Variants in HDAC9 observed in about 807,000 individuals in gnomAD.
HDAC9 encodes the protein histone deacetylase 9.
HDAC9 carries 41 observed loss-of-function variants against 139.4 expected under a neutral mutation model. The observed-to-expected ratio is 0.29, with a 90% confidence interval of 0.23 to 0.38. HDAC9 has a LOEUF of 0.38. Ranked by LOEUF, HDAC9 falls within the 10% of genes least tolerant of loss-of-function variation. HDAC9 has a pLI of 1.00. For missense variants in HDAC9, 1,147 were observed against 1,297.0 expected (o/e 0.88, Z 1.78); for synonymous variants, 517 against 476.2 (o/e 1.09, Z -1.12).
At chr7:18,891,113 G>A (rs1800644468) in intron 22 of HDAC9, among the ~76,000 whole-genome samples, 1 of 152,080 alleles carries the variant, frequency 6.6e-6, no homozygotes, top group African/African-American at 2.4e-5. Context: ...GCACTTTTCT[G>A]GATCTACTAT....
intron 6 of HDAC9, among the ~76,000 whole-genome samples, chr7:18,625,087 G>T (rs937351805): frequency 5.3e-5 from 8 of 151,908 alleles, no homozygotes; most frequent in Admixed American, 5.2e-4. Flanking sequence ...TTCTAAAACT[G>T]AGAATTATGC....
intron 20 of HDAC9, 70 bp downstream of exon 20, chr7:18,835,656 C>G (rs1796183484): frequency 2.5e-6 from 4 of 1,575,620 alleles, no homozygotes; most frequent in African/African-American, 1.3e-5. Context: ...ATGATTACCC[C>G]TAATTTTCTT....
chr7:18,845,785 C>T (rs938322617), intron 21 of HDAC9, among the ~76,000 whole-genome samples: 1 of 152,132 alleles, frequency 6.6e-6, no homozygotes, highest in African/African-American at 2.4e-5. Flanking sequence ...TTCAATAAAA[C>T]ATGACCAGAT....
At chr7:18,887,895 AGAG>A (rs1296015299) in intron 22 of HDAC9, among the ~76,000 whole-genome samples, 5 of 152,310 alleles carry the variant, frequency 3.3e-5, no homozygotes, top group Admixed American at 3.3e-4. Context: ...TTGTGGCCAC[AGAG>A]AAGTCATCAG....
chr7:18,939,911 C>T (rs1392951403), intron 23 of HDAC9, among the ~76,000 whole-genome samples: 3 of 152,196 alleles, frequency 2.0e-5, no homozygotes, highest in African/African-American at 7.2e-5. Context: ...TGCAATTGAA[C>T]TCCCATTAGA....
rs543838978 is a variant in HDAC9, at chr7:18,825,822, A to G, written c.2323-3339A>G. ...TATATACACATATAAACAAATACAC[A>G]CATATATACATATATGCACATAAAT... On this transcript the variant is annotated intron_variant, in intron 17 of 25. Transcript: ENST00000686413. Among the ~76,000 whole-genome samples, 3 of 148,260 alleles carry G rather than the reference A, an allele frequency of 2.0e-5. No individual in the cohort carries two copies. The Admixed American group carries it at 2.0e-4, about 10-fold the overall frequency.
chr7:18,214,883 G>T (rs1180577985), intron 2 of HDAC9, among the ~76,000 whole-genome samples: 1 of 151,986 alleles, frequency 6.6e-6, no homozygotes, highest in Non-Finnish European at 1.5e-5. Context: ...ATGGGGGCAT[G>T]GAAAAGATCT....
intron 2 of HDAC9, among the ~76,000 whole-genome samples, chr7:18,268,703 T>C (rs750394879): frequency 9.2e-5 from 14 of 152,172 alleles, no homozygotes; most frequent in Non-Finnish European, 1.6e-4. Flanking sequence ...CATTTTGCCC[T>C]TGTTTATTTT....
At chr7:18,088,893 T>C (rs1270984777) in intron 1 of HDAC9, among the ~76,000 whole-genome samples, 2 of 152,236 alleles carry the variant, frequency 1.3e-5, no homozygotes, top group Non-Finnish European at 2.9e-5. Context: ...AACTTGCTTG[T>C]AATTTATTCT....
At chr7:18,272,968 T>TAC (rs1796461745) in intron 2 of HDAC9, among the ~76,000 whole-genome samples, 1 of 137,020 alleles carries the variant, frequency 7.3e-6, no homozygotes, top group African/African-American at 2.7e-5. Context: ...ACTACTACTA[T>TAC]TTCTTCCTCC....
intron 17 of HDAC9, among the ~76,000 whole-genome samples, chr7:18,824,044 G>GAAGAAGAAGAAGAA (rs1795197769): frequency 1.5e-5 from 1 of 67,118 alleles, no homozygotes; most frequent in Non-Finnish European, 3.4e-5. Flanking sequence ...AAGAGGAAGA[G>GAAGAAGAAGAAGAA]GAAGAAGAAG....
rs547691349 is a variant in HDAC9, at chr7:18,275,126, C to G, written c.25+112777C>G. ...AAAATTGCTCTACACACAGTGTTTCCCATATCAATTAATGACACTTACTTC... is the reference window on the plus strand; with the variant it reads ...AAAATTGCTCTACACACAGTGTTTCGCATATCAATTAATGACACTTACTTC... On this transcript the variant is annotated intron_variant, in intron 2 of 12. Transcript: ENST00000417496. Among the ~76,000 whole-genome samples the G allele has an allele frequency of 7.2e-5, 11 of 152,186 alleles. No individual in the cohort carries two copies. In the East Asian group the frequency reaches 1.7e-3, roughly 24 times the overall value.
At chr7:18,263,654 G>A (rs1795820139) in intron 2 of HDAC9, among the ~76,000 whole-genome samples, 1 of 151,026 alleles carries the variant, frequency 6.6e-6, no homozygotes, top group African/African-American at 2.4e-5. Context: ...TGTCACCTAG[G>A]CTGGAGTGCA....
chr7:18,930,330 A>G (rs1421795528), intron 22 of HDAC9, among the ~76,000 whole-genome samples: 1 of 152,202 alleles, frequency 6.6e-6, no homozygotes, highest in Non-Finnish European at 1.5e-5. Context: ...TGAAGGTGTT[A>G]TTAAGTTTAC....
At chr7:18,632,920 A>T (rs1584389465) in intron 7 of HDAC9, among the ~76,000 whole-genome samples, 1 of 152,062 alleles carries the variant, frequency 6.6e-6, no homozygotes, top group African/African-American at 2.4e-5. Context: ...CTCTAGGGTG[A>T]TGAAAAAATA....
In HDAC9 at chr7:18,216,016, CCCTT is replaced by C. The variant is rs1792281242; in HGVS notation, c.25+53672_25+53675del. 5.9e-5 allele frequency among the ~76,000 whole-genome samples: 9 copies of C among 152,050 alleles called. No individual in the cohort carries two copies. In the South Asian group the frequency reaches 1.9e-3, roughly 32 times the overall value. On this transcript the variant is annotated intron_variant, in intron 2 of 12. Coordinates refer to the HDAC9 transcript ENST00000417496. ...TCGTCTCGCACCTCTTCAGAAGGCA[CCCTT>C]CCTTTCTTTTTTCAGTAAATACCAC... is the stretch of plus-strand genomic sequence containing the variant.
intron 23 of HDAC9, among the ~76,000 whole-genome samples, chr7:18,943,065 A>T (rs546136004): frequency 6.6e-6 from 1 of 152,246 alleles, no homozygotes; most frequent in African/African-American, 2.4e-5. Flanking sequence ...AACAAATTTG[A>T]CTGTCAAATT....
At chr7:18,241,113 A>G (rs926233912) in intron 2 of HDAC9, among the ~76,000 whole-genome samples, 6 of 152,194 alleles carry the variant, frequency 3.9e-5, no homozygotes, top group African/African-American at 1.4e-4. Flanking sequence ...CTTAAAGGCC[A>G]GGGGACCCCA....
chr7:18,722,385 G>A (rs576956338), intron 12 of HDAC9, among the ~76,000 whole-genome samples: 1 of 152,090 alleles, frequency 6.6e-6, no homozygotes, highest in Non-Finnish European at 1.5e-5. Flanking sequence ...GTTAACTTGG[G>A]TATTTATCTA....
Sources: gnomAD v4.1 joint callset for allele counts (sites outside exome capture counted in the v4.1 genomes callset) on GRCh38, gnomAD v4.1.1 for gene constraint, MANE v1.5 for transcripts, NCBI Gene and HGNC (gene_info 2026-07-23, HGNC 2026-07-21) for gene names.